CPA4: variants seen among roughly 807,000 people sequenced by gnomAD.
The protein encoded by CPA4 is carboxypeptidase A4, also known as carboxypeptidase A3.
CPA4 carries 49 observed loss-of-function variants against 54.7 expected under a neutral mutation model. That is an observed-to-expected ratio of 0.90 (90% CI 0.71 to 1.14). CPA4 has a LOEUF of 1.14. Among genes scored for constraint, CPA4 ranks in the 50% most tolerant of loss-of-function variants. The pLI, the probability that CPA4 is intolerant of heterozygous loss-of-function variation, is 0.00. For missense variants in CPA4, 487 were observed against 525.1 expected, an observed-to-expected ratio of 0.93 and a Z score of 0.71; for synonymous variants, 215 against 206.8, an observed-to-expected ratio of 1.04 and a Z score of -0.34.
chr7:130,307,262 C>T (rs1230244440), intron 7 of CPA4, among the ~76,000 whole-genome samples: 3 of 152,016 alleles, frequency 2.0e-5, no homozygotes, highest in South Asian at 2.1e-4. Context: ...ATTAAAAAAC[C>T]CTATGGCACT....
At chr7:130,311,934 C>CGG (rs140718945) in intron 9 of CPA4, 104 bp from the exon 10 acceptor site, 540 of 813,216 alleles carry the variant, frequency 6.6e-4, no homozygotes, top group South Asian at 5.4e-3. Flanking sequence ...GAAAGGAAAT[C>CGG]GGGGGGGGCT....
intron 10 of CPA4, among the ~76,000 whole-genome samples, chr7:130,317,684 C>T (rs1267682307): frequency 6.6e-6 from 1 of 152,016 alleles, no homozygotes; most frequent in African/African-American, 2.4e-5. Flanking sequence ...TCAGACTGGT[C>T]TCAAACTCCT....
chr7:130,300,333 ATT>A (rs767924823), intron 3 of CPA4, among the ~76,000 whole-genome samples: 3,834 of 124,366 alleles, frequency 0.031, 154 homozygotes, highest in African/African-American at 0.11. Flanking sequence ...CAAGAAGTAA[ATT>A]TTTTTTTTTT....
At chr7:130,312,487 C>T (rs1361958346) in intron 10 of CPA4, among the ~76,000 whole-genome samples, 3 of 152,102 alleles carry the variant, frequency 2.0e-5, no homozygotes, top group Non-Finnish European at 4.4e-5. Context: ...TGTGTCCCCA[C>T]CCAGCTCTCA....
chr7:130,311,024 C>T (rs772427149), intron 9 of CPA4, 38 bp downstream of exon 9: 2 of 1,539,968 alleles, frequency 1.3e-6, no homozygotes, highest in Non-Finnish European at 1.8e-6. Context: ...CTGGGGCCCG[C>T]CTGACCCTCC....
At position 130,310,935 on chromosome 7, in the gene CPA4, G is replaced by C; in HGVS notation, c.942G>C (p.Leu314=). Residue 314 remains leucine, a synonymous_variant, in exon 9 of 11, where the codon CTG becomes CTC. Coordinates refer to ENST00000222482, the MANE Select transcript of CPA4 (RefSeq NM_016352.4). The surrounding 1 kb of genome is among the most constrained non-coding windows in gnomAD (Gnocchi z 4.3). The part of the protein sequence containing the change: ...FIDLHSYSQL[L]MYPYGYSVKK... ...ACCTGCACAGCTACTCGCAGCTGCTGATGTATCCATATGGGTACTCAGTCA... is the reference window on the plus strand; with the variant it reads ...ACCTGCACAGCTACTCGCAGCTGCTCATGTATCCATATGGGTACTCAGTCA... 3 of 1,614,180 alleles carry C rather than the reference G, an allele frequency of 1.9e-6. No individual in the cohort carries two copies. The highest frequency in any genetic ancestry group is 2.5e-6 in the Non-Finnish European group (3 of 1,180,044).
At chr7:130,316,332 A>G (rs1793986406) in intron 10 of CPA4, among the ~76,000 whole-genome samples, 1 of 152,208 alleles carries the variant, frequency 6.6e-6, no homozygotes, top group African/African-American at 2.4e-5. Context: ...TGTTATAGGC[A>G]TATTTAGAAT....
intron 1 of CPA4, among the ~76,000 whole-genome samples, chr7:130,297,926 C>G (rs896730873): frequency 6.6e-6 from 1 of 152,192 alleles, no homozygotes; most frequent in African/African-American, 2.4e-5. Context: ...GCCACTACCC[C>G]TGCCGCCGCT....
Position 130,310,722 on chromosome 7 carries a change from A to G in CPA4, c.794-65A>G. ...ATACCTTCGGCCCCTCTCTAGGTGG[A>G]GCGTCTTGCATTTCTGTGTTCTTGG... On this transcript the variant is annotated intron_variant, in intron 8 of 10. Coordinates refer to ENST00000222482, the MANE Select transcript of CPA4 (RefSeq NM_016352.4). This position sits in a 1 kb window ranked among gnomAD's most constrained non-coding sequence, Gnocchi z 4.3. 6.8e-7 allele frequency: 1 copy of G among 1,479,862 alleles called. No homozygotes were observed. The highest frequency in any genetic ancestry group is 1.1e-5 in the South Asian group (1 of 87,874). 91.7% of individuals were successfully genotyped at this position (1,479,862 alleles called of 1,614,324 possible). A position where few individuals can be genotyped will look rare whatever the true frequency, so the allele number is the denominator to read the frequency against.
At position 130,322,734 on chromosome 7, in the gene CPA4, A is replaced by C. The variant is rs1390517644; in HGVS notation, c.*58A>C. On this transcript the variant is annotated 3_prime_UTR_variant, in exon 11 of 11. Coordinates refer to ENST00000222482, the MANE Select transcript of CPA4 (RefSeq NM_016352.4). ...ACCCACACGTGCACGCACTGAGGCC[A>C]TTGTTAAAGGAGCTCTTTCCTACCT... 1.3e-6 allele frequency: 2 copies of C among 1,522,722 alleles called. No homozygotes were observed. Among genetic ancestry groups the C allele is most frequent in the East Asian group, 4.5e-5 (2 of 44,150 alleles). 94.3% of individuals were successfully genotyped at this position (1,522,722 alleles called of 1,614,324 possible). A position where few individuals can be genotyped will look rare whatever the true frequency, so the allele number is the denominator to read the frequency against.
intron 10 of CPA4, among the ~76,000 whole-genome samples, chr7:130,318,199 C>T (rs1248940317): frequency 2.6e-5 from 4 of 152,094 alleles, no homozygotes; most frequent in Admixed American, 2.0e-4. Flanking sequence ...CTGAGGACGT[C>T]CTCTCCAAAG....
rs141042847 is a variant in CPA4, at chr7:130,304,548, C to T, written c.455C>T (p.Ser152Leu). 1.2e-4 allele frequency: 193 copies of T among 1,613,130 alleles called. 2 individuals are homozygous for T. In the East Asian group the frequency reaches 1.4e-3, roughly 12 times the overall value. Reference sequence around the variant, plus strand: ...GCGAGGAGGGTGAAGATTGGACATTCGTTTGAAAACCGGCCGATGTATGTA... The same window carrying T: ...GCGAGGAGGGTGAAGATTGGACATTTGTTTGAAAACCGGCCGATGTATGTA... ...DLARRVKIGHSFENRPMYVLK... is the reference protein window; with the variant it reads ...DLARRVKIGHLFENRPMYVLK... The change falls in exon 5 of 11, where the codon TCG (serine) becomes TTG (leucine). Residue 152 changes from serine to leucine, a missense_variant. Coordinates refer to ENST00000222482, the MANE Select transcript of CPA4 (RefSeq NM_016352.4).
At chr7:130,308,251 C>T (rs1366586498) in intron 7 of CPA4, 56 bp from the exon 8 acceptor site, 1 of 1,480,198 alleles carries the variant, frequency 6.8e-7, no homozygotes, top group South Asian at 1.1e-5. Context: ...CCCTAGCCCT[C>T]TTCGGTGATC....
At chr7:130,306,755 G>A in intron 6 of CPA4, 32 bp from the exon 7 acceptor site, 1 of 1,303,964 alleles carries the variant, frequency 7.7e-7, no homozygotes. Context: ...TCCTGCCATG[G>A]GATAGCTGAC....
chr7:130,308,714 C>T (rs756120813), intron 8 of CPA4, among the ~76,000 whole-genome samples: 8 of 132,034 alleles, frequency 6.1e-5, no homozygotes, highest in African/African-American at 7.6e-5. Flanking sequence ...CACGCCACCA[C>T]GCCCGGCTAT....
At position 130,298,827 on chromosome 7, in the gene CPA4, GGTACCT is replaced by G. The variant is rs1562927990; in HGVS notation, c.150+2_150+7del. 1 of 1,587,554 alleles carries G rather than the reference GGTACCT, an allele frequency of 6.3e-7. No individual in the cohort carries two copies. Among genetic ancestry groups the G allele is most frequent in the South Asian group, 1.1e-5 (1 of 90,372 alleles). On this transcript the variant is annotated splice_donor_variant and splice_donor_5th_base_variant and intron_variant, in intron 2 of 10. Transcript: ENST00000222482. LOFTEE classifies it high-confidence loss of function. ...AACTAGTGAATTCAAACAACTTGAAGGTACCTGGTTCTTTTTAGCTCTCCTGAGTGT... is the reference window on the plus strand; with the variant it reads ...AACTAGTGAATTCAAACAACTTGAAGGGTTCTTTTTAGCTCTCCTGAGTGT...
intron 1 of CPA4, among the ~76,000 whole-genome samples, chr7:130,295,192 G>A (rs1793629382): frequency 6.6e-6 from 1 of 152,228 alleles, no homozygotes; most frequent in Non-Finnish European, 1.5e-5. Context: ...TGCTAAGCCT[G>A]GCTAGGGAGG....
At chr7:130,306,097 G>T in intron 6 of CPA4, 177 bp downstream of exon 6, 1 of 604,908 alleles carries the variant, frequency 1.7e-6, no homozygotes, top group Non-Finnish European at 2.9e-6. Flanking sequence ...AGCTCACTGC[G>T]GCCAAATTGA....
intron 6 of CPA4, chr7:130,306,348 A>G: frequency 4.3e-6 from 1 of 234,808 alleles, no homozygotes. Flanking sequence ...ACGCCACTGC[A>G]CTCCAGCCTG....
Sources: allele counts gnomAD v4.1 joint callset (sites outside exome capture counted in the v4.1 genomes callset), GRCh38; gene constraint gnomAD v4.1.1; non-coding constraint Gnocchi (gnomAD v3.1); transcripts MANE v1.5; gene names NCBI Gene and HGNC (gene_info 2026-07-23, HGNC 2026-07-21).